CACHD1: variants seen among roughly 807,000 people sequenced by gnomAD.
CACHD1 encodes cache domain containing 1, also known as VWFA and cache domain-containing protein 1.
CACHD1 carries 71 observed loss-of-function variants against 138.7 expected under a neutral mutation model. The observed-to-expected ratio is 0.51, with a 90% confidence interval of 0.42 to 0.62. The LOEUF (loss-of-function observed/expected upper bound fraction) is 0.62. CACHD1 is among the 20% of genes least tolerant of loss of function. The probability of loss-of-function intolerance (pLI) is 0.00; values close to 1 mark genes in which losing one functional copy is unlikely to be tolerated. For synonymous variants in CACHD1, 578 were observed against 591.5 expected, an observed-to-expected ratio of 0.98 and a Z score of 0.33; for missense variants, 1,389 against 1,625.3, an observed-to-expected ratio of 0.85 and a Z score of 2.50.
chr1:64,606,336 G>A (rs1570410952), intron 4 of CACHD1, among the ~76,000 whole-genome samples: 1 of 152,310 alleles, frequency 6.6e-6, no homozygotes, highest in African/African-American at 2.4e-5. Context: ...AAGTGGGATT[G>A]TAGACTATGG....
chr1:64,554,293 T>C (rs1002975919), intron 2 of CACHD1, among the ~76,000 whole-genome samples: 1 of 152,272 alleles, frequency 6.6e-6, no homozygotes, highest in Non-Finnish European at 1.5e-5. Context: ...TTTATTATCC[T>C]TGGCCTCCTG....
chr1:64,593,603 G>A (rs1207167297), intron 3 of CACHD1, among the ~76,000 whole-genome samples: 1 of 152,140 alleles, frequency 6.6e-6, no homozygotes, highest in African/African-American at 2.4e-5. Context: ...TATGCCCAAT[G>A]AAGTGTTGTA....
intron 2 of CACHD1, among the ~76,000 whole-genome samples, chr1:64,553,194 C>G (rs574769327): frequency 6.6e-6 from 1 of 152,182 alleles, no homozygotes; most frequent in South Asian, 2.1e-4. Flanking sequence ...AATAAAAGCT[C>G]ATATTTACGC....
intron 1 of CACHD1, among the ~76,000 whole-genome samples, chr1:64,542,197 C>G (rs942644828): frequency 3.3e-5 from 5 of 152,128 alleles, no homozygotes; most frequent in African/African-American, 1.2e-4. Flanking sequence ...TAAGCATTAG[C>G]TATTATCATT....
intron 2 of CACHD1, among the ~76,000 whole-genome samples, chr1:64,580,895 A>G (rs966353347): frequency 3.9e-5 from 6 of 152,208 alleles, no homozygotes; most frequent in African/African-American, 1.2e-4. Context: ...TTTTAATTCA[A>G]TGACCTCAAT....
chr1:64,535,461 G>C (rs1006132930), intron 1 of CACHD1, among the ~76,000 whole-genome samples: 2 of 151,900 alleles, frequency 1.3e-5, no homozygotes, highest in Admixed American at 1.3e-4. Flanking sequence ...AAGTAGCTGA[G>C]ATTACATGCA....
At chr1:64,565,664 G>A (rs1318334512) in intron 2 of CACHD1, among the ~76,000 whole-genome samples, 1 of 152,226 alleles carries the variant, frequency 6.6e-6, no homozygotes, top group East Asian at 1.9e-4. Context: ...TTCTGAAAGA[G>A]AGCCTGAGAG....
At position 64,495,768 on chromosome 1, in the gene CACHD1, A is replaced by G. The variant is rs112609009; in HGVS notation, c.198+24826A>G. On this transcript the variant is annotated intron_variant, in intron 1 of 26. Transcript: ENST00000651257. ...AAGAGCCCTAGCACCAAAGTCCTCA[A>G]ATTTCTTCATCTAAGCCTACTTTTT... is the stretch of plus-strand genomic sequence containing the variant. 2.0e-3 allele frequency among the ~76,000 whole-genome samples: 298 copies of G among 152,178 alleles called. 3 individuals carry two copies. The highest frequency in any genetic ancestry group is 6.7e-3 in the African/African-American group (279 of 41,518).
At chr1:64,489,936 A>C (rs1182525765) in intron 1 of CACHD1, among the ~76,000 whole-genome samples, 1 of 152,210 alleles carries the variant, frequency 6.6e-6, no homozygotes, top group Non-Finnish European at 1.5e-5. Context: ...ATACCATGCT[A>C]AGCACAAGTT....
chr1:64,567,808 A>G (rs925072356), intron 2 of CACHD1, among the ~76,000 whole-genome samples: 4 of 152,234 alleles, frequency 2.6e-5, no homozygotes, highest in African/African-American at 9.6e-5. Flanking sequence ...GATAAATAAT[A>G]TGTCTAAACA....
At chr1:64,531,615 G>C (rs1646586977) in intron 1 of CACHD1, among the ~76,000 whole-genome samples, 1 of 151,906 alleles carries the variant, frequency 6.6e-6, no homozygotes, top group Non-Finnish European at 1.5e-5. Context: ...AAGTAAACAA[G>C]GTCAACAAGA....
At chr1:64,616,400 A>G (rs948884684) in intron 4 of CACHD1, among the ~76,000 whole-genome samples, 3 of 152,152 alleles carry the variant, frequency 2.0e-5, no homozygotes, top group African/African-American at 2.4e-5. Flanking sequence ...AATTATGATA[A>G]CATGCTAAGT....
chr1:64,597,213 T>A (rs1488424464), intron 3 of CACHD1, among the ~76,000 whole-genome samples: 1 of 152,166 alleles, frequency 6.6e-6, no homozygotes, highest in Non-Finnish European at 1.5e-5. Flanking sequence ...TTGAACACTG[T>A]TTTGATGTAA....
At chr1:64,511,094 T>C (rs1166500160) in intron 1 of CACHD1, among the ~76,000 whole-genome samples, 1 of 152,252 alleles carries the variant, frequency 6.6e-6, no homozygotes, top group Non-Finnish European at 1.5e-5. Context: ...ATTTTTAGTG[T>C]ACCTAAGATC....
Position 64,602,813 on chromosome 1 carries a change from G to C in CACHD1, c.418G>C (p.Gly140Arg). 1 of 1,609,060 alleles carries C rather than the reference G, an allele frequency of 6.2e-7. No individual in the cohort carries two copies. Among genetic ancestry groups the C allele is most frequent in the South Asian group, 1.1e-5 (1 of 90,808 alleles). Reference protein sequence around the residue: ...TIPPSMMEFDGNFNTNVSRTI... With the variant: ...TIPPSMMEFDRNFNTNVSRTI... ...TCTCTCCTATTGTTTCAGATTCGAT[G>C]GGAACTTTAATACCAATGTGTCTAG... The change falls in exon 4 of 27, where the codon GGG becomes CGG. Residue 140 changes from glycine to arginine, a missense_variant. This residue lies in a region of CACHD1 where 1,000 missense variants were observed against 1,114.7 expected (regional missense o/e 0.90). Coordinates refer to ENST00000651257, the MANE Select transcript of CACHD1 (RefSeq NM_020925.4).
chr1:64,632,783 C>T (rs1255706214), intron 6 of CACHD1, 40 bp downstream of exon 6: 3 of 1,608,290 alleles, frequency 1.9e-6, no homozygotes, highest in South Asian at 1.1e-5. Flanking sequence ...ATCAGGTTCT[C>T]CTTGAATGCC....
chr1:64,499,749 G>A (rs1400385759), intron 1 of CACHD1, among the ~76,000 whole-genome samples: 2 of 152,180 alleles, frequency 1.3e-5, no homozygotes, highest in Non-Finnish European at 2.9e-5. Context: ...TCAGTACTTT[G>A]AAATTACAGT....
intron 1 of CACHD1, among the ~76,000 whole-genome samples, chr1:64,499,286 C>T (rs1646324225): frequency 6.6e-6 from 1 of 152,190 alleles, no homozygotes; most frequent in South Asian, 2.1e-4. Flanking sequence ...GGCACCTAAG[C>T]CTCCATAAAA....
chr1:64,495,652 A>G (rs867794760), intron 1 of CACHD1, among the ~76,000 whole-genome samples: 21 of 151,948 alleles, frequency 1.4e-4, no homozygotes, highest in Middle Eastern at 6.8e-3. Context: ...AAAGAGAGCA[A>G]TACAGTGCTT....
Sources: allele counts gnomAD v4.1 joint callset (sites outside exome capture counted in the v4.1 genomes callset), GRCh38; gene constraint gnomAD v4.1.1; regional missense constraint gnomAD v4.1.1; transcripts MANE v1.5; gene names NCBI Gene and HGNC (gene_info 2026-07-23, HGNC 2026-07-21).